Variants in AGPAT5 observed in about 807,000 individuals in gnomAD.
AGPAT5 encodes the protein 1-acylglycerol-3-phosphate O-acyltransferase 5.
In AGPAT5, 46 loss-of-function variants were observed where a neutral mutation model predicts 45.6. That is an observed-to-expected ratio of 1.01 (90% confidence interval 0.80 to 1.29). The LOEUF (loss-of-function observed/expected upper bound fraction) is 1.29. Ranked by LOEUF, AGPAT5 falls within the 50% of genes most tolerant of loss-of-function variation. The pLI is 0.00. For missense variants in AGPAT5, 673 were observed against 450.7 expected (o/e 1.49, Z -4.47); for synonymous variants, 272 against 167.0 (o/e 1.63, Z -4.85).
chr8:6,757,530 C>A lies in AGPAT5; in HGVS notation c.*142C>A. On this transcript the variant is annotated 3_prime_UTR_variant, in exon 8 of 8. Transcript: ENST00000285518. ...GAAGATTGGATAATAGAATTTGTGA[C>A]GAAAGCTGATATGCAATGGTCTTGG... The A allele has an allele frequency of 1.5e-6, 1 of 689,256 alleles. No individual in the cohort carries two copies. Among genetic ancestry groups the A allele is most frequent in the Admixed American group, 2.9e-5 (1 of 34,752 alleles). 42.7% of individuals were successfully genotyped at this position (689,256 alleles called of 1,614,324 possible).
chr8:6,715,600 C>G (rs1469888898), intron 1 of AGPAT5, among the ~76,000 whole-genome samples: 1 of 152,198 alleles, frequency 6.6e-6, no homozygotes, highest in Non-Finnish European at 1.5e-5. Flanking sequence ...CTGTAGTAGC[C>G]TAGCCAGGAG....
At chr8:6,728,490 C>G (rs1440414275) in intron 2 of AGPAT5, among the ~76,000 whole-genome samples, 1 of 152,160 alleles carries the variant, frequency 6.6e-6, no homozygotes, top group Non-Finnish European at 1.5e-5. Context: ...GGGCATAGCC[C>G]AGGGCAGCTT....
At chr8:6,734,602 G>A (rs1800980166) in intron 4 of AGPAT5, among the ~76,000 whole-genome samples, 2 of 152,076 alleles carry the variant, frequency 1.3e-5, no homozygotes, top group Admixed American at 6.6e-5. Flanking sequence ...ATCTGAGTCT[G>A]CAAATTTTGA....
chr8:6,742,460 C>T (rs1299818978), intron 5 of AGPAT5, among the ~76,000 whole-genome samples: 2 of 152,180 alleles, frequency 1.3e-5, no homozygotes, highest in Non-Finnish European at 2.9e-5. Flanking sequence ...TGAAGCTTGA[C>T]TGTGATTTAG....
chr8:6,713,331 T>C (rs979685483), intron 1 of AGPAT5, among the ~76,000 whole-genome samples: 1 of 152,210 alleles, frequency 6.6e-6, no homozygotes. Flanking sequence ...ACTTGGAATT[T>C]ACTTCAGAAT....
intron 7 of AGPAT5, among the ~76,000 whole-genome samples, chr8:6,756,932 CTG>C (rs1801861688): frequency 6.6e-6 from 1 of 152,178 alleles, no homozygotes; most frequent in Admixed American, 6.5e-5. Flanking sequence ...TTAAAACCAC[CTG>C]TTGAAATATT....
intron 1 of AGPAT5, among the ~76,000 whole-genome samples, chr8:6,709,726 T>C (rs1191452731): frequency 6.6e-6 from 1 of 152,136 alleles, no homozygotes; most frequent in Non-Finnish European, 1.5e-5. Flanking sequence ...TAACTTTTTT[T>C]TTTTCCACCT....
At chr8:6,716,500 C>T (rs997480050) in intron 1 of AGPAT5, among the ~76,000 whole-genome samples, 3 of 151,536 alleles carry the variant, frequency 2.0e-5, no homozygotes, top group Non-Finnish European at 4.4e-5. Flanking sequence ...GGTAGAGGCT[C>T]CAGCTTGGGC....
intron 4 of AGPAT5, among the ~76,000 whole-genome samples, chr8:6,741,372 T>G (rs1173604328): frequency 6.6e-6 from 1 of 152,166 alleles, no homozygotes; most frequent in Non-Finnish European, 1.5e-5. Context: ...CATGGCCTAT[T>G]TTTAATTAGT....
intron 1 of AGPAT5, among the ~76,000 whole-genome samples, chr8:6,713,713 C>T (rs1236813656): frequency 9.7e-6 from 1 of 102,916 alleles, no homozygotes; most frequent in Non-Finnish European, 1.9e-5. Context: ...AGCACCATGC[C>T]CAGCTAATTT....
intron 4 of AGPAT5, among the ~76,000 whole-genome samples, chr8:6,739,102 C>G (rs1322697613): frequency 6.6e-6 from 1 of 151,978 alleles, no homozygotes; most frequent in Non-Finnish European, 1.5e-5. Flanking sequence ...ATAGATGGGT[C>G]TGTTATCCCT....
At position 6,713,656 on chromosome 8, in the gene AGPAT5, C is replaced by T. The variant is rs181760602; in HGVS notation, c.219+4769C>T. Among the ~76,000 whole-genome samples the T allele has an allele frequency of 2.4e-3, 364 of 152,250 alleles. 3 individuals are homozygous for T. Among genetic ancestry groups the T allele is most frequent in the Admixed American group, 4.5e-3 (69 of 15,302 alleles). ...TGCAACCTCTGCCCCCGGGCTCAAG[C>T]GGTCCTCCCACCTCAGCCTCCTGAG... On this transcript the variant is annotated intron_variant, in intron 1 of 7. Transcript: ENST00000285518.
chr8:6,708,922 AC>A (rs1240131223), intron 1 of AGPAT5, 35 bp downstream of exon 1: 2 of 1,573,998 alleles, frequency 1.3e-6, no homozygotes, highest in East Asian at 2.3e-5. Flanking sequence ...CTCGGCGTCC[AC>A]CCGAGCTCCC....
At chr8:6,730,328 T>TGAAGAGCCTCA in intron 2 of AGPAT5, among the ~76,000 whole-genome samples, 4 of 8,378 alleles carry the variant, frequency 4.8e-4, no homozygotes, top group Admixed American at 1.8e-3. Flanking sequence ...CTTTTTTTTT[T>TGAAGAGCCTCA]TTTTTTTTTT....
intron 4 of AGPAT5, among the ~76,000 whole-genome samples, chr8:6,739,463 G>T (rs531046854): frequency 2.0e-5 from 3 of 152,132 alleles, no homozygotes; most frequent in African/African-American, 7.2e-5. Context: ...TTATCTCAGT[G>T]TGTTTTGTAG....
chr8:6,726,636 CAG>C (rs1431302489), intron 2 of AGPAT5, among the ~76,000 whole-genome samples: 2 of 152,050 alleles, frequency 1.3e-5, no homozygotes, highest in African/African-American at 4.8e-5. Flanking sequence ...CATGAAAAAA[CAG>C]ATTAAAAAAA....
intron 7 of AGPAT5, among the ~76,000 whole-genome samples, chr8:6,756,656 T>C (rs149195153): frequency 2.4e-4 from 36 of 151,892 alleles, no homozygotes; most frequent in African/African-American, 8.7e-4. Context: ...ATATGTTATA[T>C]TCAAATACAT....
chr8:6,725,135 C>G (rs1800642212), intron 2 of AGPAT5, among the ~76,000 whole-genome samples, 196 bp downstream of exon 2: 1 of 152,188 alleles, frequency 6.6e-6, no homozygotes, highest in Non-Finnish European at 1.5e-5. Context: ...TTTTCCTAAA[C>G]TTACCTTCTC....
intron 1 of AGPAT5, among the ~76,000 whole-genome samples, chr8:6,714,566 G>A (rs981653936): frequency 6.6e-6 from 1 of 152,148 alleles, no homozygotes; most frequent in East Asian, 1.9e-4. Context: ...AATCACAGAT[G>A]CAATTATACA....
Sources: allele counts gnomAD v4.1 joint callset (sites outside exome capture counted in the v4.1 genomes callset), GRCh38; gene constraint gnomAD v4.1.1; transcripts MANE v1.5; gene names NCBI Gene and HGNC (gene_info 2026-07-23, HGNC 2026-07-21).